BTNL8: variants seen among roughly 807,000 people sequenced by gnomAD.
The protein encoded by BTNL8 is butyrophilin-like protein 8.
Under a neutral mutation model 36.1 loss-of-function variants are expected in BTNL8, and 22 were observed. That is an observed-to-expected ratio of 0.61 (90% CI 0.44 to 0.87). The LOEUF is 0.87. Ranked by LOEUF, BTNL8 falls within the 40% of genes least tolerant of loss-of-function variation. BTNL8 has a pLI of 0.00. For missense variants in BTNL8, 526 were observed against 616.9 expected, an observed-to-expected ratio of 0.85 and a Z score of 1.56; for synonymous variants, 203 against 235.6, an observed-to-expected ratio of 0.86 and a Z score of 1.27.
chr5:180,913,017 T>C (rs1757475744), intron 3 of BTNL8, among the ~76,000 whole-genome samples: 2 of 152,184 alleles, frequency 1.3e-5, no homozygotes, highest in South Asian at 4.1e-4. Flanking sequence ...AGGGCTAAGA[T>C]TGCTGAAAAC....
chr5:180,917,811 G>A (rs367842129), intron 3 of BTNL8, among the ~76,000 whole-genome samples: 6 of 151,936 alleles, frequency 3.9e-5, no homozygotes, highest in South Asian at 4.1e-4. Context: ...GGTGGATCAC[G>A]AGGTCAGGAG....
intron 3 of BTNL8, among the ~76,000 whole-genome samples, chr5:180,919,231 T>G (rs62406711): frequency 0.45 from 68,276 of 152,060 alleles, 16,431 homozygotes; most frequent in African/African-American, 0.63. Flanking sequence ...TTTGTCAGTC[T>G]TAAGACCTCT....
intron 3 of BTNL8, among the ~76,000 whole-genome samples, chr5:180,923,755 G>T (rs1050059913): frequency 1.3e-5 from 2 of 152,170 alleles, no homozygotes; most frequent in Admixed American, 1.3e-4. Context: ...TGGAAATCTG[G>T]ATTAATCTAC....
At chr5:180,922,942 GC>G (rs1757937109) in intron 3 of BTNL8, among the ~76,000 whole-genome samples, 1 of 152,034 alleles carries the variant, frequency 6.6e-6, no homozygotes, top group Non-Finnish European at 1.5e-5. Flanking sequence ...ATCATATATT[GC>G]CTTTCTTTGT....
At position 180,950,163 on chromosome 5, in the gene BTNL8, T is replaced by C. The variant is rs1239380103; in HGVS notation, c.1122T>C (p.Asp374=). ...RRKEYVTLSP[D]HGYWVLRLNG... is the part of the protein sequence containing the mutation. ...AGGAGTACGTGACTTTGTCTCCCGATCATGGGTACTGGGTCCTCAGACTGA... is the reference window on the plus strand; with the variant it reads ...AGGAGTACGTGACTTTGTCTCCCGACCATGGGTACTGGGTCCTCAGACTGA... Residue 374 remains aspartate, a synonymous_variant, in exon 8 of 8, where the codon GAT becomes GAC. Transcript: ENST00000340184. 6.8e-7 allele frequency: 1 copy of C among 1,462,752 alleles called. No homozygotes were observed. The highest frequency in any genetic ancestry group is 9.4e-7 in the Non-Finnish European group (1 of 1,058,878). The allele number at this position is 1,462,752 out of a possible 1,614,324, so 90.6% of individuals were successfully genotyped here. A position where few individuals can be genotyped will look rare whatever the true frequency, so the allele number is the denominator to read the frequency against.
chr5:180,932,375 C>T (rs1424796177), intron 3 of BTNL8, among the ~76,000 whole-genome samples: 1 of 152,192 alleles, frequency 6.6e-6, no homozygotes, highest in Non-Finnish European at 1.5e-5. Context: ...CAGATGGAGT[C>T]TTGCTCTGTC....
intron 3 of BTNL8, among the ~76,000 whole-genome samples, chr5:180,941,240 T>C (rs527818715): frequency 1.6e-4 from 25 of 152,092 alleles, no homozygotes; most frequent in African/African-American, 5.5e-4. Flanking sequence ...CATACTAAAA[T>C]AGAGTCAGGA....
chr5:180,910,508 C>T (rs1757339106), intron 2 of BTNL8, among the ~76,000 whole-genome samples: 1 of 152,204 alleles, frequency 6.6e-6, no homozygotes, highest in African/African-American at 2.4e-5. Flanking sequence ...TCCCTGCTAC[C>T]TTGGCATTAT....
chr5:180,942,973 A>G (rs1277630999), intron 3 of BTNL8, among the ~76,000 whole-genome samples: 1 of 152,108 alleles, frequency 6.6e-6, no homozygotes, highest in African/African-American at 2.4e-5. Flanking sequence ...TGCACAACAA[A>G]GGAAATAATT....
At chr5:180,912,427 G>GTATATA (rs3029603) in intron 3 of BTNL8, among the ~76,000 whole-genome samples, 1 of 150,058 alleles carries the variant, frequency 6.7e-6, no homozygotes, top group South Asian at 2.1e-4. Context: ...ACAACAGGAT[G>GTATATA]TATATATATA....
rs565313147 is a variant in BTNL8, at chr5:180,930,499, A to G, written c.674-17013A>G. Among the ~76,000 whole-genome samples the G allele has an allele frequency of 9.2e-5, 14 of 152,306 alleles. No homozygotes were observed. In the East Asian group the frequency reaches 2.5e-3, roughly 27 times the overall value. The stretch of plus-strand genomic sequence containing the variant: ...AGAAAGAAATAAAGGGTATTCAAAT[A>G]GGAAGAGAGGAAGTCAAATTGTCTC... On this transcript the variant is annotated intron_variant, in intron 3 of 7. Transcript: ENST00000340184.
chr5:180,949,015 A>G, intron 6 of BTNL8, 69 bp downstream of exon 6: 1 of 625,458 alleles, frequency 1.6e-6, no homozygotes, highest in South Asian at 2.0e-5. Context: ...GGATTTTTAT[A>G]TCCTGAGGCC....
In BTNL8 at chr5:180,935,862, AAGTGGAAC is replaced by A. The variant is rs1758629085; in HGVS notation, c.674-11648_674-11641del. ...TATCAACATCATACTTAAACATGAA[AAGTGGAAC>A]ACTTTTCCTGCTAGATCAGGGACAA... On this transcript the variant is annotated intron_variant, in intron 3 of 7. Transcript: ENST00000340184. This position sits in a 1 kb window ranked among gnomAD's most constrained non-coding sequence, Gnocchi z 4.8. 6.6e-6 allele frequency among the ~76,000 whole-genome samples: 1 copy of A among 152,090 alleles called. No homozygotes were observed. The highest frequency in any genetic ancestry group is 1.5e-5 in the Non-Finnish European group (1 of 68,022).
intron 3 of BTNL8, among the ~76,000 whole-genome samples, chr5:180,937,327 A>C (rs1758703241): frequency 6.6e-6 from 1 of 152,204 alleles, no homozygotes; most frequent in Admixed American, 6.5e-5. Context: ...AGCTCCCTGC[A>C]AAGCTGTGCC....
At chr5:180,902,166 G>A (rs1463824125) in intron 1 of BTNL8, among the ~76,000 whole-genome samples, 5 of 146,036 alleles carry the variant, frequency 3.4e-5, no homozygotes, top group Admixed American at 2.1e-4. Flanking sequence ...CAGCAAGGAC[G>A]ATGGAAATGG....
At chr5:180,911,298 A>T (rs952616016) in intron 2 of BTNL8, 41 bp from the exon 3 acceptor site, 2 of 1,603,890 alleles carry the variant, frequency 1.2e-6, no homozygotes, top group Non-Finnish European at 1.7e-6. Context: ...TGGCTTTGGG[A>T]TGTGATCTTT....
intron 3 of BTNL8, among the ~76,000 whole-genome samples, chr5:180,931,000 C>G (rs1421442912): frequency 6.6e-6 from 1 of 152,138 alleles, no homozygotes; most frequent in Non-Finnish European, 1.5e-5. Flanking sequence ...GCCCGTATAG[C>G]CAAGACAATC....
intron 3 of BTNL8, among the ~76,000 whole-genome samples, chr5:180,944,813 T>G (rs1759160034): frequency 6.6e-6 from 1 of 152,046 alleles, no homozygotes; most frequent in South Asian, 2.1e-4. Flanking sequence ...AAAATAAAAC[T>G]TAAAAAACTG....
chr5:180,908,823 G>A lies in BTNL8; in HGVS notation c.287G>A (p.Arg96His), dbSNP rs748602705. The change falls in exon 2 of 8, where the codon CGC becomes CAC. Residue 96 changes from arginine to histidine, a missense_variant. By Grantham distance (29) the Arg-to-His change is conservative (BLOSUM62 0). Transcript: ENST00000340184. ...GTGAAGGATTCTATTGCGGAGGGGCGCATCTCTCTGAGGCTGGAAAACATT... is the reference window on the plus strand; with the variant it reads ...GTGAAGGATTCTATTGCGGAGGGGCACATCTCTCTGAGGCTGGAAAACATT... ...KLVKDSIAEG[R>H]ISLRLENITV... is the part of the protein sequence containing the mutation. 4.3e-5 allele frequency: 69 copies of A among 1,614,128 alleles called. No individual in the cohort carries two copies. The highest frequency in any genetic ancestry group is 2.2e-4 in the Admixed American group (13 of 60,014).
Sources: allele counts gnomAD v4.1 joint callset (sites outside exome capture counted in the v4.1 genomes callset), GRCh38; gene constraint gnomAD v4.1.1; non-coding constraint Gnocchi (gnomAD v3.1); transcripts MANE v1.5; gene names NCBI Gene and HGNC (gene_info 2026-07-23, HGNC 2026-07-21).